The following CNGB3 variants were observed in gnomAD, a reference collection of about 807,000 sequenced individuals.
CNGB3 encodes the protein cyclic nucleotide gated channel subunit beta 3.
In CNGB3, 86 loss-of-function variants were observed where a neutral mutation model predicts 92.8. The observed-to-expected ratio is 0.93, with a 90% CI of 0.78 to 1.11. The LOEUF (loss-of-function observed/expected upper bound fraction) is 1.11, where lower values mean the gene tolerates loss of function less well. Among genes scored for constraint, CNGB3 ranks in the 50% least tolerant of loss-of-function variants. The probability of loss-of-function intolerance (pLI) is 0.00; values close to 1 mark genes in which losing one functional copy is unlikely to be tolerated. For missense variants in CNGB3, 1,026 were observed against 956.8 expected (o/e 1.07, Z -0.95); for synonymous variants, 333 against 332.7 (o/e 1.00, Z -0.01).
chr8:86,669,249 C>T (rs925976494), intron 4 of CNGB3, among the ~76,000 whole-genome samples: 11 of 151,434 alleles, frequency 7.3e-5, no homozygotes, highest in Admixed American at 2.0e-4. Context: ...AAAAATGTAG[C>T]GTATAAAATA....
intron 6 of CNGB3, chr8:86,658,408 A>G: frequency 2.4e-6 from 1 of 424,380 alleles, no homozygotes; most frequent in Non-Finnish European, 4.4e-6. Flanking sequence ...TGTGGCTGCT[A>G]CTTCTGCTGG....
At chr8:86,652,251 C>T (rs1340727478) in intron 7 of CNGB3, among the ~76,000 whole-genome samples, 2 of 151,928 alleles carry the variant, frequency 1.3e-5, no homozygotes, top group African/African-American at 4.8e-5. Flanking sequence ...AGGATACTTA[C>T]CATGAATGGA....
At chr8:86,701,590 G>GA (rs1235487510) in intron 3 of CNGB3, among the ~76,000 whole-genome samples, 1 of 152,090 alleles carries the variant, frequency 6.6e-6, no homozygotes, top group African/African-American at 2.4e-5. Flanking sequence ...TAGAAAAACA[G>GA]AAAGATAACC....
At chr8:86,718,969 A>G (rs1824914098) in intron 3 of CNGB3, among the ~76,000 whole-genome samples, 1 of 152,022 alleles carries the variant, frequency 6.6e-6, no homozygotes, top group Non-Finnish European at 1.5e-5. Flanking sequence ...AAAATCCACA[A>G]TTGCTTTATG....
chr8:86,722,725 T>A (rs977503647), intron 3 of CNGB3, among the ~76,000 whole-genome samples: 5 of 152,200 alleles, frequency 3.3e-5, no homozygotes, highest in African/African-American at 1.2e-4. Flanking sequence ...AAGAGGGCAC[T>A]CCTGCCTGAT....
At chr8:86,579,007 G>A in intron 16 of CNGB3, 99 bp downstream of exon 16, 1 of 1,560,068 alleles carries the variant, frequency 6.4e-7, no homozygotes, top group Non-Finnish European at 8.8e-7. Context: ...ATCTCACTGT[G>A]ATCAAGTTTA....
intron 3 of CNGB3, among the ~76,000 whole-genome samples, chr8:86,702,822 T>C (rs1401215507): frequency 6.6e-6 from 1 of 151,946 alleles, no homozygotes; most frequent in African/African-American, 2.4e-5. Context: ...TTTTAATATA[T>C]ATATTAAGTA....
Position 86,662,893 on chromosome 8 carries a change from AGGAAAAG to A in CNGB3, c.852+4025_852+4031del, listed in dbSNP as rs199717945. The stretch of plus-strand genomic sequence containing the variant: ...AAGGACCCTGTCTTTAGCTGAACTA[AGGAAAAG>A]TCCTGCAACAGTACGACTATTCCCA... On this transcript the variant is annotated intron_variant, in intron 6 of 17. Transcript: ENST00000320005. Among the ~76,000 whole-genome samples, 696 of 152,352 alleles carry A rather than the reference AGGAAAAG, an allele frequency of 4.6e-3. 4 individuals are homozygous for A. The highest frequency in any genetic ancestry group is 0.016 in the African/African-American group (655 of 41,572).
At chr8:86,599,916 C>A (rs149884459) in intron 15 of CNGB3, among the ~76,000 whole-genome samples, 1 of 152,138 alleles carries the variant, frequency 6.6e-6, no homozygotes, top group Non-Finnish European at 1.5e-5. Context: ...GTGACCCACA[C>A]CCTGTTCATA....
intron 3 of CNGB3, among the ~76,000 whole-genome samples, chr8:86,674,293 C>G (rs895561869): frequency 6.6e-6 from 1 of 152,178 alleles, no homozygotes; most frequent in South Asian, 2.1e-4. Flanking sequence ...TTGTAGTGTG[C>G]AAACCCACCT....
chr8:86,609,015 GA>G (rs1344986320), intron 14 of CNGB3, among the ~76,000 whole-genome samples: 1 of 152,126 alleles, frequency 6.6e-6, no homozygotes, highest in African/African-American at 2.4e-5. Flanking sequence ...GAAGCCCACC[GA>G]CCCTGTGGGG....
At chr8:86,637,679 A>G (rs1823099550) in intron 10 of CNGB3, among the ~76,000 whole-genome samples, 1 of 152,106 alleles carries the variant, frequency 6.6e-6, no homozygotes, top group African/African-American at 2.4e-5. Context: ...CCCTTTGGTT[A>G]AGTTTATTCC....
chr8:86,656,879 A>G (rs761213668), intron 6 of CNGB3, among the ~76,000 whole-genome samples: 9 of 151,828 alleles, frequency 5.9e-5, no homozygotes, highest in Non-Finnish European at 1.2e-4. Flanking sequence ...AATTACTAGA[A>G]CCTCCTCCCC....
At chr8:86,670,870 A>T (rs1823845198) in intron 4 of CNGB3, 74 bp downstream of exon 4, 12 of 1,522,892 alleles carry the variant, frequency 7.9e-6, no homozygotes, top group Middle Eastern at 2.3e-4. Flanking sequence ...GGGAGATCCA[A>T]ACTAAAACAT....
At chr8:86,659,103 C>G (rs1823577713) in intron 6 of CNGB3, 2 of 743,034 alleles carry the variant, frequency 2.7e-6, no homozygotes, top group Non-Finnish European at 4.6e-6. Context: ...GATCTGTTCC[C>G]TCAGTTTGGC....
intron 3 of CNGB3, among the ~76,000 whole-genome samples, chr8:86,690,153 G>A (rs531069880): frequency 6.6e-6 from 1 of 152,276 alleles, no homozygotes; most frequent in African/African-American, 2.4e-5. Context: ...CTTCCACAAT[G>A]GTTGAACTAG....
rs761282321 is a variant in CNGB3, at chr8:86,575,785, T to A, written c.*19A>T. On this transcript the variant is annotated 3_prime_UTR_variant, in exon 18 of 18. Coordinates refer to ENST00000320005, the MANE Select transcript of CNGB3 (RefSeq NM_019098.5). ...CACTTTGGGAACTAGCTATATCACA[T>A]CTAAAGATAATCAAACATTTATTGC... 1.2e-5 allele frequency: 19 copies of A among 1,605,042 alleles called. No homozygotes were observed. Among genetic ancestry groups the A allele is most frequent in the Non-Finnish European group, 1.6e-5 (19 of 1,171,912 alleles).
chr8:86,711,268 A>G (rs1222001200), intron 3 of CNGB3, among the ~76,000 whole-genome samples: 1 of 152,034 alleles, frequency 6.6e-6, no homozygotes, highest in Admixed American at 6.6e-5. Flanking sequence ...TAATATCCCC[A>G]ATGTGCTTTA....
At chr8:86,653,970 T>G in intron 7 of CNGB3, 42 bp downstream of exon 7, 2 of 1,309,242 alleles carry the variant, frequency 1.5e-6, no homozygotes, top group African/African-American at 1.4e-5. Flanking sequence ...GTCAAAATGG[T>G]AATAGATCAC....
Sources: allele counts gnomAD v4.1 joint callset (sites outside exome capture counted in the v4.1 genomes callset), GRCh38; gene constraint gnomAD v4.1.1; transcripts MANE v1.5; gene names NCBI Gene and HGNC (gene_info 2026-07-23, HGNC 2026-07-21).